DPP6: variants seen among roughly 807,000 people sequenced by gnomAD.
The protein encoded by DPP6 is dipeptidyl peptidase like 6, also known as A-type potassium channel modulatory protein DPP6.
In DPP6, 69 loss-of-function variants were observed where a neutral mutation model predicts 122.6. The observed-to-expected ratio is 0.56, with a 90% CI of 0.46 to 0.69. DPP6 has a LOEUF of 0.69. Ranked by LOEUF, DPP6 falls within the 30% of genes least tolerant of loss-of-function variation. The probability of loss-of-function intolerance (pLI) is 0.00; values close to 1 mark genes in which losing one functional copy is unlikely to be tolerated. For synonymous variants in DPP6, 418 were observed against 433.1 expected (o/e 0.97, Z 0.43); for missense variants, 928 against 1,116.9 (o/e 0.83, Z 2.41).
intron 7 of DPP6, among the ~76,000 whole-genome samples, chr7:154,680,346 A>C (rs1839203249): frequency 6.6e-6 from 1 of 152,238 alleles, no homozygotes; most frequent in South Asian, 2.1e-4. Flanking sequence ...CCAAAGCTAT[A>C]TCAACAAACA....
Position 154,343,393 on chromosome 7 carries a change from A to G in DPP6, c.244-102821A>G, listed in dbSNP as rs147575343. Among the ~76,000 whole-genome samples the G allele has an allele frequency of 5.2e-3, 793 of 152,326 alleles. 8 individuals are homozygous for G. The highest frequency in any genetic ancestry group is 0.018 in the African/African-American group (744 of 41,570). ...GTGCACAGGCAGCGTCAGTCCGGGC[A>G]CTGAAACTGACAGCTGCTGCGGTCT... On this transcript the variant is annotated intron_variant, in intron 1 of 25. Transcript: ENST00000377770.
chr7:154,155,734 A>G (rs192603282), intron 1 of DPP6, among the ~76,000 whole-genome samples: 4 of 152,286 alleles, frequency 2.6e-5, no homozygotes, highest in East Asian at 1.9e-4. Flanking sequence ...AATGTGTCTG[A>G]TCCCTGAAGA....
At chr7:154,085,004 A>AAC (rs1554457743) in intron 1 of DPP6, among the ~76,000 whole-genome samples, 1 of 151,640 alleles carries the variant, frequency 6.6e-6, no homozygotes, top group Non-Finnish European at 1.5e-5. Flanking sequence ...AAAAAAAAAA[A>AAC]AAAAAAACAG....
At chr7:153,978,359 A>G (rs1796414919) in intron 1 of DPP6, among the ~76,000 whole-genome samples, 2 of 152,220 alleles carry the variant, frequency 1.3e-5, no homozygotes, top group African/African-American at 4.8e-5. Flanking sequence ...CTTCGTTTGA[A>G]AAGTGTCTGT....
intron 7 of DPP6, among the ~76,000 whole-genome samples, chr7:154,672,135 G>A (rs988581043): frequency 6.6e-5 from 10 of 152,106 alleles, no homozygotes; most frequent in African/African-American, 2.4e-4. Context: ...GAGTTCTCAC[G>A]AGATCTGATG....
At chr7:153,991,908 T>TTA (rs1485617974) in intron 1 of DPP6, among the ~76,000 whole-genome samples, 1 of 151,682 alleles carries the variant, frequency 6.6e-6, no homozygotes, top group Non-Finnish European at 1.5e-5. Context: ...TCTGGATAAT[T>TTA]TATAAAGCAC....
chr7:154,351,208 G>A (rs1810823992), intron 1 of DPP6, among the ~76,000 whole-genome samples: 1 of 152,132 alleles, frequency 6.6e-6, no homozygotes, highest in South Asian at 2.1e-4. Context: ...TAGCAATTTG[G>A]TTTTATTAAT....
chr7:154,320,330 C>T (rs12154913), intron 1 of DPP6, among the ~76,000 whole-genome samples: 88,790 of 151,924 alleles, frequency 0.58, 26,366 homozygotes, highest in South Asian at 0.66. Context: ...CCCATGGCCG[C>T]TCCATTCCGT....
intron 3 of DPP6, among the ~76,000 whole-genome samples, chr7:154,532,264 G>A (rs1252741262): frequency 6.6e-6 from 1 of 152,054 alleles, no homozygotes; most frequent in Non-Finnish European, 1.5e-5. Context: ...TGAGACATTT[G>A]AGGGAAAATT....
At chr7:154,810,713 C>T (rs1333132699) in intron 16 of DPP6, among the ~76,000 whole-genome samples, 1 of 151,796 alleles carries the variant, frequency 6.6e-6, no homozygotes, top group East Asian at 1.9e-4. Context: ...CATGACTGAC[C>T]CGGACCCCAG....
At chr7:154,109,094 G>A (rs1806371408) in intron 1 of DPP6, among the ~76,000 whole-genome samples, 2 of 152,188 alleles carry the variant, frequency 1.3e-5, no homozygotes, top group Non-Finnish European at 2.9e-5. Context: ...CTCTTCTTTA[G>A]CGTTGCTTAC....
intron 8 of DPP6, among the ~76,000 whole-genome samples, chr7:154,730,235 A>G (rs774854884): frequency 6.6e-6 from 1 of 152,176 alleles, no homozygotes; most frequent in Non-Finnish European, 1.5e-5. Flanking sequence ...GATCAGCTCA[A>G]TATCTGGATA....
Position 153,918,458 on chromosome 7 carries a change from A to T in DPP6, c.51+30724A>T, listed in dbSNP as rs36149368. Among the ~76,000 whole-genome samples the T allele has an allele frequency of 9.9e-3, 945 of 95,082 alleles. 16 individuals carry two copies. Among genetic ancestry groups the T allele is most frequent in the East Asian group, 0.027 (94 of 3,528 alleles). The allele number at this position is 95,082 out of a possible 152,430, so 62.4% of individuals were successfully genotyped here. ...CACACACACACACACACACACACAC[A>T]CACACACACTCTCTCTCTCTCTCTC... On this transcript the variant is annotated intron_variant, in intron 1 of 25. Transcript: ENST00000404039.
At chr7:154,465,471 G>A (rs1356500477) in intron 2 of DPP6, among the ~76,000 whole-genome samples, 1 of 151,814 alleles carries the variant, frequency 6.6e-6, no homozygotes, top group Non-Finnish European at 1.5e-5. Context: ...TCTGACAAAG[G>A]GCTAATATCC....
chr7:154,130,237 A>C (rs1300033488), intron 1 of DPP6, among the ~76,000 whole-genome samples: 2 of 152,218 alleles, frequency 1.3e-5, no homozygotes, highest in African/African-American at 4.8e-5. Flanking sequence ...GATGTGTCCT[A>C]GAAGGCAGAA....
chr7:154,261,119 C>A (rs1802988879), intron 1 of DPP6, among the ~76,000 whole-genome samples: 1 of 152,172 alleles, frequency 6.6e-6, no homozygotes, highest in African/African-American at 2.4e-5. Flanking sequence ...TGGTCTTGAA[C>A]TCCTGACCTT....
chr7:154,411,558 A>C (rs891720324), intron 1 of DPP6, among the ~76,000 whole-genome samples: 5 of 152,170 alleles, frequency 3.3e-5, no homozygotes, highest in Non-Finnish European at 7.3e-5. Flanking sequence ...TTATCTCCCT[A>C]GAATATTTAT....
intron 1 of DPP6, among the ~76,000 whole-genome samples, chr7:154,394,616 G>A (rs1426231039): frequency 6.6e-6 from 1 of 151,928 alleles, no homozygotes; most frequent in African/African-American, 2.4e-5. Context: ...TATTTTTCCT[G>A]GTTGCCTATG....
chr7:153,936,678 G>T (rs1801459733), intron 1 of DPP6, among the ~76,000 whole-genome samples: 1 of 152,032 alleles, frequency 6.6e-6, no homozygotes, highest in African/African-American at 2.4e-5. Context: ...GGGCGGGGTG[G>T]TGGGCGCCTG....
Sources: gnomAD v4.1 joint callset for allele counts (sites outside exome capture counted in the v4.1 genomes callset) on GRCh38, gnomAD v4.1.1 for gene constraint, MANE v1.5 for transcripts, NCBI Gene and HGNC (gene_info 2026-07-23, HGNC 2026-07-21) for gene names.